ZPBP: variants seen among roughly 807,000 people sequenced by gnomAD.
The protein encoded by ZPBP is zona pellucida-binding protein 1.
Under a neutral mutation model 44.8 loss-of-function variants are expected in ZPBP, and 26 were observed. That is an observed-to-expected ratio of 0.58 (90% CI 0.43 to 0.81). The LOEUF (loss-of-function observed/expected upper bound fraction) is 0.81. ZPBP is among the 30% of genes least tolerant of loss of function. The probability of loss-of-function intolerance (pLI) is 0.00; values close to 1 mark genes in which losing one functional copy is unlikely to be tolerated. For missense variants in ZPBP, 409 were observed against 434.0 expected (o/e 0.94, Z 0.51); for synonymous variants, 174 against 153.2 (o/e 1.14, Z -1.00).
intron 7 of ZPBP, among the ~76,000 whole-genome samples, chr7:49,982,594 C>A (rs1201034629): frequency 6.6e-6 from 1 of 151,384 alleles, no homozygotes; most frequent in Non-Finnish European, 1.5e-5. Flanking sequence ...CAATCTCAAA[C>A]TTCTCAGCCA....
chr7:50,048,596 G>T (rs757129045), intron 4 of ZPBP, among the ~76,000 whole-genome samples: 3 of 151,808 alleles, frequency 2.0e-5, no homozygotes, highest in Non-Finnish European at 4.4e-5. Flanking sequence ...ATAGATCAAA[G>T]AAAAAATCAA....
chr7:49,850,746 C>A (rs1790143077), intron 2 of ZPBP, among the ~76,000 whole-genome samples: 1 of 152,200 alleles, frequency 6.6e-6, no homozygotes, highest in African/African-American at 2.4e-5. Flanking sequence ...TGACTTTCCC[C>A]AAATTACTTC....
At chr7:50,079,197 C>T (rs1466529626) in intron 3 of ZPBP, among the ~76,000 whole-genome samples, 1 of 151,548 alleles carries the variant, frequency 6.6e-6, no homozygotes, top group African/African-American at 2.4e-5. Flanking sequence ...ATGGTGTGTT[C>T]CTACCTCATT....
At chr7:50,032,437 G>A (rs1166035166) in intron 4 of ZPBP, among the ~76,000 whole-genome samples, 1 of 152,144 alleles carries the variant, frequency 6.6e-6, no homozygotes, top group Non-Finnish European at 1.5e-5. Context: ...GGTATTACCT[G>A]AAATAGAATT....
At chr7:49,969,612 T>A (rs1320796034) in intron 7 of ZPBP, among the ~76,000 whole-genome samples, 2 of 151,578 alleles carry the variant, frequency 1.3e-5, no homozygotes, top group Non-Finnish European at 2.9e-5. Flanking sequence ...CATAAAGTTG[T>A]GTCAAAACCT....
chr7:50,009,321 C>G (rs1232252341), intron 6 of ZPBP, among the ~76,000 whole-genome samples: 3 of 151,770 alleles, frequency 2.0e-5, no homozygotes, highest in Admixed American at 6.6e-5. Context: ...AACGTCCTCT[C>G]AAACAGACTG....
At chr7:50,021,194 A>G (rs1334839883) in intron 5 of ZPBP, among the ~76,000 whole-genome samples, 1 of 152,150 alleles carries the variant, frequency 6.6e-6, no homozygotes, top group Non-Finnish European at 1.5e-5. Flanking sequence ...GGAAACACAG[A>G]CATTGGACTT....
chr7:49,875,719 A>C (rs865834496), intron 2 of ZPBP, among the ~76,000 whole-genome samples: 30 of 152,136 alleles, frequency 2.0e-4, no homozygotes, highest in African/African-American at 7.2e-4. Context: ...ATGGAGTGGC[A>C]TGAGAATTAC....
chr7:49,875,399 A>AAAAAG (rs1791372647), intron 2 of ZPBP, among the ~76,000 whole-genome samples: 1 of 127,720 alleles, frequency 7.8e-6, no homozygotes, highest in Non-Finnish European at 1.7e-5. Context: ...AAAAAAAAAC[A>AAAAAG]GGAATAAATG....
chr7:49,973,566 T>C (rs529719569), intron 7 of ZPBP, among the ~76,000 whole-genome samples: 1 of 152,128 alleles, frequency 6.6e-6, no homozygotes, highest in African/African-American at 2.4e-5. Flanking sequence ...GATATACAAA[T>C]GGCCAATAAA....
At chr7:49,933,969 G>T (rs1794542818), downstream of ZPBP, among the ~76,000 whole-genome samples, 1 of 151,102 alleles carries the variant, frequency 6.6e-6, no homozygotes, top group Non-Finnish European at 1.5e-5. Context: ...GAGTTAATGG[G>T]TGCCGCACAC....
chr7:49,919,175 C>G (rs562976199), intron 1 of ZPBP: 255 of 152,190 alleles, frequency 1.7e-3, no homozygotes, highest in African/African-American at 5.9e-3. Flanking sequence ...ATATTCTTCC[C>G]TGGGGAGCAG....
At chr7:49,915,890 T>C (rs1368031848) in intron 1 of ZPBP, 1 of 152,234 alleles carries the variant, frequency 6.6e-6, no homozygotes, top group Non-Finnish European at 1.5e-5. Context: ...ACATAATTTG[T>C]AACTGTCTTA....
intron 2 of ZPBP, among the ~76,000 whole-genome samples, chr7:49,897,172 G>A (rs888645495): frequency 4.6e-5 from 7 of 152,068 alleles, no homozygotes; most frequent in Non-Finnish European, 7.4e-5. Context: ...TGGGATTACA[G>A]GCGTGAGCCA....
intron 7 of ZPBP, among the ~76,000 whole-genome samples, chr7:49,979,962 T>A (rs1583963544): frequency 9.1e-6 from 1 of 109,866 alleles, no homozygotes; most frequent in East Asian, 2.4e-4. Context: ...TTAATATATT[T>A]ATATTATATA....
chr7:50,065,052 T>C (rs1228002163), intron 3 of ZPBP, among the ~76,000 whole-genome samples: 1 of 152,262 alleles, frequency 6.6e-6, no homozygotes, highest in Non-Finnish European at 1.5e-5. Flanking sequence ...TCTTCTGCCA[T>C]GGCTTCAGCC....
intron 6 of ZPBP, among the ~76,000 whole-genome samples, chr7:50,014,809 A>G (rs1266682692): frequency 6.6e-6 from 1 of 152,066 alleles, no homozygotes; most frequent in Non-Finnish European, 1.5e-5. Flanking sequence ...TAGATACAAC[A>G]TCACTGGGAC....
intron 4 of ZPBP, among the ~76,000 whole-genome samples, chr7:50,042,832 T>C (rs1490071892): frequency 2.0e-5 from 3 of 152,202 alleles, no homozygotes; most frequent in Non-Finnish European, 4.4e-5. Context: ...TAACCTTAAA[T>C]GTAAACAGGC....
At chr7:49,996,501 A>C (rs1267499352) in intron 6 of ZPBP, among the ~76,000 whole-genome samples, 2 of 152,176 alleles carry the variant, frequency 1.3e-5, no homozygotes, top group African/African-American at 4.8e-5. Context: ...CCTTTTCCCC[A>C]AGACACAGTT....
Sources: gnomAD v4.1 joint callset for allele counts (sites outside exome capture counted in the v4.1 genomes callset) on GRCh38, gnomAD v4.1.1 for gene constraint, MANE v1.5 for transcripts, NCBI Gene and HGNC (gene_info 2026-07-23, HGNC 2026-07-21) for gene names.